Variants in UBR2 observed in about 807,000 individuals in gnomAD.
UBR2 encodes the protein ubiquitin protein ligase E3 component n-recognin 2, also known as E3 ubiquitin-protein ligase UBR2.
In UBR2, 92 loss-of-function variants were observed where a neutral mutation model predicts 247.9. That is an observed-to-expected ratio of 0.37 (90% confidence interval 0.31 to 0.44). The LOEUF (loss-of-function observed/expected upper bound fraction) is 0.44. UBR2 is among the 20% of genes least tolerant of loss of function. The pLI is 1.00. For synonymous variants in UBR2, 672 were observed against 693.5 expected (o/e 0.97, Z 0.49); for missense variants, 1,613 against 2,112.6 (o/e 0.76, Z 4.64).
intron 18 of UBR2, among the ~76,000 whole-genome samples, chr6:42,643,460 G>C (rs1796561668): frequency 2.0e-5 from 3 of 152,084 alleles, no homozygotes; most frequent in Admixed American, 1.3e-4. Flanking sequence ...GCCTGGCATG[G>C]TGTCATGCGC....
intron 2 of UBR2, among the ~76,000 whole-genome samples, chr6:42,574,787 C>T (rs1051762267): frequency 1.3e-5 from 2 of 151,934 alleles, no homozygotes; most frequent in African/African-American, 2.4e-5. Flanking sequence ...CCTCCACCTG[C>T]CAGGTTCAAG....
chr6:42,573,705 A>G, intron 1 of UBR2, 29 bp from the exon 2 acceptor site: 1 of 1,475,356 alleles, frequency 6.8e-7, no homozygotes, highest in Non-Finnish European at 9.0e-7. Flanking sequence ...GGTGTTTAAA[A>G]CCATTTCTTC....
chr6:42,665,421 T>C lies in UBR2; in HGVS notation c.3711T>C (p.Phe1237=). 2 of 1,612,010 alleles carry C rather than the reference T, an allele frequency of 1.2e-6. No individual in the cohort carries two copies. Among genetic ancestry groups the C allele is most frequent in the Non-Finnish European group, 1.7e-6 (2 of 1,178,930 alleles). The change falls in exon 33 of 47, where the codon TTT becomes TTC. Residue 1237 remains phenylalanine, a synonymous_variant. Coordinates refer to ENST00000372901, the MANE Select transcript of UBR2 (RefSeq NM_001363705.2). ...PRNIFNNRLN[F]SDQPNLTQWI... ...TAATCTTTTCTAGCAGGTTAAATTT[T>C]TCAGACCAACCAAATCTGACTCAGT...
At chr6:42,663,768 G>A (rs560617531) in intron 32 of UBR2, among the ~76,000 whole-genome samples, 97 of 152,264 alleles carry the variant, frequency 6.4e-4, no homozygotes, top group African/African-American at 2.3e-3. Flanking sequence ...TGACTTTATA[G>A]GACAGTCTAA....
intron 42 of UBR2, among the ~76,000 whole-genome samples, chr6:42,680,238 G>A (rs1798961434): frequency 6.6e-6 from 1 of 152,038 alleles, no homozygotes; most frequent in Non-Finnish European, 1.5e-5. Flanking sequence ...CACCCACCTC[G>A]GCCTTCCAAA....
chr6:42,649,716 T>G (rs1191453939), intron 22 of UBR2, among the ~76,000 whole-genome samples: 1 of 152,168 alleles, frequency 6.6e-6, no homozygotes, highest in African/African-American at 2.4e-5. Flanking sequence ...TTCTTTATGG[T>G]TGTTTGTCCC....
At position 42,619,438 on chromosome 6, in the gene UBR2, TATATATATATA is replaced by T. The variant is rs1794792816; in HGVS notation, c.1281+1932_1281+1942del. 57 of 29,974 alleles carry T rather than the reference TATATATATATA, an allele frequency of 1.9e-3. 5 individuals carry two copies. The highest frequency in any genetic ancestry group is 2.9e-3 in the Non-Finnish European group (46 of 15,952). 1.9% of individuals were successfully genotyped at this position (29,974 alleles called of 1,614,324 possible). The stretch of plus-strand genomic sequence containing the variant: ...ATATATATATATATATATATATATA[TATATATATATA>T]TATATTTTTTTTTTTTAGTTCTCTA... On this transcript the variant is annotated intron_variant, in intron 11 of 46. Coordinates refer to ENST00000372901, the MANE Select transcript of UBR2 (RefSeq NM_001363705.2).
intron 2 of UBR2, among the ~76,000 whole-genome samples, chr6:42,591,319 A>G (rs948508586): frequency 1.3e-5 from 2 of 152,222 alleles, no homozygotes; most frequent in Non-Finnish European, 2.9e-5. Flanking sequence ...CCCATCTACT[A>G]GCACCCTTAT....
At chr6:42,593,205 C>A (rs1386616431) in intron 3 of UBR2, among the ~76,000 whole-genome samples, 1 of 151,954 alleles carries the variant, frequency 6.6e-6, no homozygotes, top group African/African-American at 2.4e-5. Flanking sequence ...AAAAACCCAG[C>A]TACAAAATTG....
At chr6:42,647,682 A>G (rs1270761004) in intron 21 of UBR2, among the ~76,000 whole-genome samples, 1 of 152,210 alleles carries the variant, frequency 6.6e-6, no homozygotes, top group Non-Finnish European at 1.5e-5. Context: ...TTAATATCTT[A>G]TCGTGAATGA....
chr6:42,672,367 G>A (rs113736153), intron 36 of UBR2, among the ~76,000 whole-genome samples: 2,431 of 152,018 alleles, frequency 0.016, 58 homozygotes, highest in African/African-American at 0.056. Context: ...TTCACATTCA[G>A]TTGGTCAGCA....
chr6:42,641,465 ATAAT>A (rs1796441611), intron 16 of UBR2, 113 bp from the exon 17 acceptor site: 1 of 632,976 alleles, frequency 1.6e-6, no homozygotes, highest in Non-Finnish European at 2.5e-6. Context: ...AATAATAATA[ATAAT>A]TTATATTGTG....
intron 4 of UBR2, among the ~76,000 whole-genome samples, chr6:42,598,047 TGG>T (rs1027778080): frequency 6.6e-6 from 1 of 152,168 alleles, no homozygotes; most frequent in Non-Finnish European, 1.5e-5. Flanking sequence ...CCGAAAAAGC[TGG>T]GGGAAACCTG....
chr6:42,641,492 A>G, intron 16 of UBR2, 90 bp from the exon 17 acceptor site: 1 of 834,192 alleles, frequency 1.2e-6, no homozygotes, highest in Non-Finnish European at 1.9e-6. Flanking sequence ...TTATAAAAGC[A>G]TTTATCTCTA....
intron 1 of UBR2, among the ~76,000 whole-genome samples, chr6:42,566,645 C>A (rs1011839302): frequency 6.6e-6 from 1 of 152,222 alleles, no homozygotes; most frequent in Admixed American, 6.5e-5. Context: ...GCCTTGGCCT[C>A]CCAAAGTCCT....
At chr6:42,634,218 C>A (rs1461564821) in intron 13 of UBR2, 1 of 392,592 alleles carries the variant, frequency 2.5e-6, no homozygotes, top group Non-Finnish European at 4.9e-6. Context: ...ACAGTGTAGA[C>A]CTTTTTCCCC....
chr6:42,594,201 C>T lies in UBR2; in HGVS notation c.428C>T (p.Ser143Leu). ...HRDHRYRMTTSGGGGFCDCGD... is the reference protein window; with the variant it reads ...HRDHRYRMTTLGGGGFCDCGD... ...CAATTTTTTTCCAAGATGACAACATCAGGAGGTGGAGGTTTCTGTGACTGT... is the reference window on the plus strand; with the variant it reads ...CAATTTTTTTCCAAGATGACAACATTAGGAGGTGGAGGTTTCTGTGACTGT... Residue 143 changes from serine (S) to leucine (L), a missense_variant, in exon 4 of 47, where the codon TCA becomes TTA. Around this residue, in one of 3 missense-constraint regions of UBR2, gnomAD observed 1,524 missense variants for 1,967.3 expected, o/e 0.77. Transcript: ENST00000372901. 1 of 1,610,960 alleles carries T rather than the reference C, an allele frequency of 6.2e-7. No individual in the cohort carries two copies. The highest frequency in any genetic ancestry group is 8.5e-7 in the Non-Finnish European group (1 of 1,178,218).
At chr6:42,565,073 A>G (rs1271931466) in intron 1 of UBR2, among the ~76,000 whole-genome samples, 4 of 152,254 alleles carry the variant, frequency 2.6e-5, no homozygotes, top group Non-Finnish European at 4.4e-5. Flanking sequence ...GATGGAGAAC[A>G]AATGTTATAT....
rs770119982 is a variant in UBR2 at position 42,612,220 on chromosome 6, C to T, written c.914C>T (p.Ser305Leu). The T allele has an allele frequency of 6.4e-7, 1 of 1,550,976 alleles. No homozygotes were observed. The change falls in exon 8 of 47, where the codon TCG becomes TTG. Residue 305 changes from serine to leucine, a missense_variant. Physicochemically the swap from Ser to Leu is moderately radical, Grantham distance 145. Coordinates refer to ENST00000372901, the MANE Select transcript of UBR2 (RefSeq NM_001363705.2). ...TKPLKVQVMH[S>L]SIVAHQNFGL... ...CCACTCAAAGTTCAAGTTATGCATT[C>T]GTCTATTGTCGCACATCAGAATTTT...
Sources: gnomAD v4.1 joint callset for allele counts (sites outside exome capture counted in the v4.1 genomes callset) on GRCh38, gnomAD v4.1.1 for gene constraint, gnomAD v4.1.1 regional missense constraint, MANE v1.5 for transcripts, NCBI Gene and HGNC (gene_info 2026-07-23, HGNC 2026-07-21) for gene names.